ST18: variants seen among roughly 807,000 people sequenced by gnomAD.
ST18 encodes the protein suppression of tumorigenicity 18 protein.
A neutral mutation model predicts 110.0 loss-of-function variants in ST18; 50 were observed. The ratio of observed to expected loss-of-function variants is 0.45; its 90% CI spans 0.36 to 0.58. The LOEUF (loss-of-function observed/expected upper bound fraction) is 0.58, where lower values mean the gene tolerates loss of function less well. ST18 is among the 20% of genes least tolerant of loss of function. The pLI is 0.00. For synonymous variants in ST18, 461 were observed against 452.4 expected, an observed-to-expected ratio of 1.02 and a Z score of -0.24; for missense variants, 1,306 against 1,280.1, an observed-to-expected ratio of 1.02 and a Z score of -0.31.
At chr8:52,170,059 T>C (rs1252250186) in intron 10 of ST18, among the ~76,000 whole-genome samples, 1 of 152,236 alleles carries the variant, frequency 6.6e-6, no homozygotes, top group Admixed American at 6.5e-5. Context: ...AATACTAGGT[T>C]TCATTGCCTG....
chr8:52,285,144 G>A (rs2095447333), intron 2 of ST18, among the ~76,000 whole-genome samples: 1 of 152,154 alleles, frequency 6.6e-6, no homozygotes, highest in African/African-American at 2.4e-5. Context: ...TGGCTTCTAA[G>A]ACCCTTTTCA....
At chr8:52,323,484 A>G (rs935970433) in intron 2 of ST18, among the ~76,000 whole-genome samples, 8 of 152,104 alleles carry the variant, frequency 5.3e-5, no homozygotes, top group African/African-American at 1.9e-4. Context: ...AACCTCAAAT[A>G]CCTCTCTTCT....
intron 2 of ST18, among the ~76,000 whole-genome samples, chr8:52,351,535 C>G (rs1042137538): frequency 6.6e-6 from 1 of 152,214 alleles, no homozygotes; most frequent in East Asian, 1.9e-4. Flanking sequence ...ACTCTCATGA[C>G]ATAACAGCAT....
In ST18 at chr8:52,116,277, TCTGTGGAAG is replaced by T; in HGVS notation, c.2992_3000del (p.Leu998_Gln1000del). ...CAAGGTTCTGGCCTTGAACTTACCA[TCTGTGGAAG>T]CTGGATGTCAGCAAGGCTTGAAATG... On this transcript the variant is annotated inframe_deletion, in exon 25 of 26. Coordinates refer to ENST00000689386, the MANE Select transcript of ST18 (RefSeq NM_001352837.2). 6.2e-7 allele frequency: 1 copy of T among 1,613,266 alleles called. No individual in the cohort carries two copies. The highest frequency in any genetic ancestry group is 8.5e-7 in the Non-Finnish European group (1 of 1,179,706).
intron 13 of ST18, among the ~76,000 whole-genome samples, chr8:52,163,152 A>G (rs1439214919): frequency 6.6e-6 from 1 of 152,254 alleles, no homozygotes; most frequent in Non-Finnish European, 1.5e-5. Flanking sequence ...CTACTTATTC[A>G]GTAATTCATA....
At chr8:52,247,399 C>A (rs1413015661) in intron 2 of ST18, among the ~76,000 whole-genome samples, 1 of 152,150 alleles carries the variant, frequency 6.6e-6, no homozygotes, top group Non-Finnish European at 1.5e-5. Context: ...CAGACCTATT[C>A]TGTTTTGAAG....
chr8:52,388,803 C>T (rs12679286), intron 2 of ST18, among the ~76,000 whole-genome samples: 88,542 of 116,524 alleles, frequency 0.76, 33,268 homozygotes, highest in East Asian at 0.89. Context: ...CATCACACTC[C>T]GGGGACTGTT....
chr8:52,214,510 G>A (rs1489791213), intron 6 of ST18, among the ~76,000 whole-genome samples: 2 of 152,156 alleles, frequency 1.3e-5, no homozygotes, highest in African/African-American at 4.8e-5. Context: ...AGTGTTTGAA[G>A]TGACTCAAAC....
intron 23 of ST18, among the ~76,000 whole-genome samples, chr8:52,124,243 T>C (rs1187278686): frequency 6.6e-6 from 1 of 152,120 alleles, no homozygotes; most frequent in Non-Finnish European, 1.5e-5. Context: ...TGGTGCTTTT[T>C]TGGCTCACTG....
intron 9 of ST18, 21 bp downstream of exon 9, chr8:52,180,101 T>C (rs778719522): frequency 6.2e-7 from 1 of 1,612,024 alleles, no homozygotes; most frequent in Non-Finnish European, 8.5e-7. Flanking sequence ...CAGGTAAAGT[T>C]TGGGCTCTCC....
chr8:52,243,205 A>G (rs930202114), intron 2 of ST18, among the ~76,000 whole-genome samples: 4 of 152,124 alleles, frequency 2.6e-5, no homozygotes, highest in African/African-American at 9.7e-5. Flanking sequence ...TCTTTGAATT[A>G]TTTTTCAAAT....
intron 2 of ST18, among the ~76,000 whole-genome samples, chr8:52,330,054 T>G (rs2140051267): frequency 6.6e-6 from 1 of 152,348 alleles, no homozygotes; most frequent in East Asian, 1.9e-4. Context: ...ATCTCAGGAC[T>G]CTTATTGAAC....
chr8:52,211,102 A>G (rs2135955772), intron 8 of ST18, among the ~76,000 whole-genome samples: 1 of 152,280 alleles, frequency 6.6e-6, no homozygotes, highest in South Asian at 2.1e-4. Context: ...TGTACAGAGC[A>G]ATTATCTTGT....
At chr8:52,184,212 T>C (rs186145993) in intron 8 of ST18, among the ~76,000 whole-genome samples, 12 of 152,340 alleles carry the variant, frequency 7.9e-5, no homozygotes, top group Admixed American at 7.2e-4. Flanking sequence ...AAATGAGCTC[T>C]ATTATCTATA....
At chr8:52,179,742 G>T (rs1019941087) in intron 9 of ST18, among the ~76,000 whole-genome samples, 2 of 151,920 alleles carry the variant, frequency 1.3e-5, no homozygotes, top group Admixed American at 6.6e-5. Context: ...TCATTGCAAA[G>T]GTGTCTTAAA....
intron 17 of ST18, among the ~76,000 whole-genome samples, chr8:52,138,781 C>T (rs2131867959): frequency 6.6e-6 from 1 of 152,312 alleles, no homozygotes; most frequent in South Asian, 2.1e-4. Flanking sequence ...GGAACATCAA[C>T]TACACCAGTC....
intron 22 of ST18, among the ~76,000 whole-genome samples, chr8:52,130,389 T>C (rs1266814477): frequency 6.6e-6 from 1 of 152,116 alleles, no homozygotes; most frequent in Non-Finnish European, 1.5e-5. Flanking sequence ...CTCCCAGGCT[T>C]AAGCAATCGT....
intron 2 of ST18, among the ~76,000 whole-genome samples, chr8:52,272,307 GTTAA>G (rs1189722814): frequency 2.0e-5 from 3 of 151,988 alleles, no homozygotes; most frequent in Non-Finnish European, 2.9e-5. Context: ...ATGACAAAGG[GTTAA>G]TCTCCAAAAT....
chr8:52,136,784 T>G, intron 18 of ST18, 126 bp from the exon 19 acceptor site: 1 of 809,762 alleles, frequency 1.2e-6, no homozygotes, highest in Non-Finnish European at 1.9e-6. Flanking sequence ...AAAAAATAAC[T>G]GGCTTTGAAT....
Sources: allele counts gnomAD v4.1 joint callset (sites outside exome capture counted in the v4.1 genomes callset), GRCh38; gene constraint gnomAD v4.1.1; transcripts MANE v1.5; gene names NCBI Gene and HGNC (gene_info 2026-07-23, HGNC 2026-07-21).